The following USP12 variants were observed in gnomAD, a reference collection of about 807,000 sequenced individuals.
The protein encoded by USP12 is ubiquitin carboxyl-terminal hydrolase 12.
Under a neutral mutation model 45.5 loss-of-function variants are expected in USP12, and 19 were observed. The ratio of observed to expected loss-of-function variants is 0.42; its 90% CI spans 0.29 to 0.61. USP12 has a LOEUF of 0.61. USP12 is among the 20% of genes least tolerant of loss of function. The pLI is 0.22. For synonymous variants in USP12, 149 were observed against 148.8 expected (o/e 1.00, Z -0.01); for missense variants, 242 against 447.7 (o/e 0.54, Z 4.15).
intron 1 of USP12, among the ~76,000 whole-genome samples, chr13:27,126,418 G>A (rs534790774): frequency 6.6e-6 from 1 of 152,308 alleles, no homozygotes; most frequent in East Asian, 1.9e-4. Context: ...AAACAGAAAG[G>A]AATAGCACAA....
rs1207639673 is a variant in USP12, at chr13:27,129,624, T to C, written c.49-13028A>G. Among the ~76,000 whole-genome samples the C allele has an allele frequency of 2.0e-5, 3 of 152,112 alleles. No individual in the cohort carries two copies. Among genetic ancestry groups the C allele is most frequent in the African/African-American group, 7.2e-5 (3 of 41,424 alleles). ...CGGGAGGCTGAGGCAGGAGGATCAT[T>C]AAGCCCAGGAGTTCGAGGCTGCAGT... On this transcript the variant is annotated intron_variant, in intron 1 of 8. Transcript: ENST00000282344. This position sits in a 1 kb window ranked among gnomAD's most constrained non-coding sequence, Gnocchi z 4.0.
chr13:27,073,893 C>T lies in USP12; in HGVS notation c.932+1298G>A, dbSNP rs965650282. The stretch of plus-strand genomic sequence containing the variant: ...AGAAATGGTACTGAGATCCAAGTTT[C>T]TCTCACTCTGAAAACCCGGTCTGAA... On this transcript the variant is annotated intron_variant, in intron 7 of 8. Transcript: ENST00000282344. 2.0e-5 allele frequency among the ~76,000 whole-genome samples: 3 copies of T among 152,286 alleles called. No individual in the cohort carries two copies. The South Asian group carries it at 6.2e-4, about 32-fold the overall frequency.
At chr13:27,071,532 T>C (rs570393891) in intron 7 of USP12, among the ~76,000 whole-genome samples, 26 of 152,328 alleles carry the variant, frequency 1.7e-4, no homozygotes, top group Admixed American at 1.4e-3. Context: ...ACAATGCATA[T>C]AGAATTATTT....
chr13:27,091,614 G>A (rs963910597), intron 4 of USP12, among the ~76,000 whole-genome samples: 7 of 152,178 alleles, frequency 4.6e-5, no homozygotes, highest in African/African-American at 4.8e-5. Flanking sequence ...CTAAAACTCA[G>A]GGAAGAAGTC....
chr13:27,084,807 G>A (rs974944667), intron 6 of USP12, among the ~76,000 whole-genome samples: 1 of 152,102 alleles, frequency 6.6e-6, no homozygotes, highest in Non-Finnish European at 1.5e-5. Context: ...AATATACTTT[G>A]AAATCAGAAG....
chr13:27,085,845 T>C (rs1873984684), intron 6 of USP12, among the ~76,000 whole-genome samples: 1 of 151,968 alleles, frequency 6.6e-6, no homozygotes, highest in South Asian at 2.1e-4. Context: ...GGTAGATACA[T>C]GGTACTATGG....
At chr13:27,138,381 C>A (rs1023208049) in intron 1 of USP12, among the ~76,000 whole-genome samples, 3 of 152,170 alleles carry the variant, frequency 2.0e-5, no homozygotes, top group African/African-American at 7.2e-5. Context: ...CCAGGAAAGG[C>A]TCAGATGGTA....
At chr13:27,138,638 A>ATTATGGTATGCAGGAGTGGTCATTAC (rs1390477605) in intron 1 of USP12, among the ~76,000 whole-genome samples, 1 of 152,192 alleles carries the variant, frequency 6.6e-6, no homozygotes, top group African/African-American at 2.4e-5. Context: ...TGCAGGAGTC[A>ATTATGGTATGCAGGAGTGGTCATTAC]AACACTGGTC....
chr13:27,139,618 A>T (rs1876965867), intron 1 of USP12, among the ~76,000 whole-genome samples: 1 of 152,194 alleles, frequency 6.6e-6, no homozygotes, highest in South Asian at 2.1e-4. Flanking sequence ...TCCATCCCCC[A>T]GAAATAAAAA....
At chr13:27,096,945 C>T (rs534034028) in intron 3 of USP12, among the ~76,000 whole-genome samples, 1 of 151,972 alleles carries the variant, frequency 6.6e-6, no homozygotes, top group South Asian at 2.1e-4. Flanking sequence ...AGAAGAGATA[C>T]AGATATGACT....
intron 1 of USP12, among the ~76,000 whole-genome samples, chr13:27,139,828 ACTATG>A (rs1490644815): frequency 6.6e-6 from 1 of 152,216 alleles, no homozygotes; most frequent in Non-Finnish European, 1.5e-5. Flanking sequence ...TGTGCCAGGA[ACTATG>A]CTAAGGACAG....
intron 1 of USP12, among the ~76,000 whole-genome samples, chr13:27,166,903 A>G (rs534868939): frequency 6.6e-6 from 1 of 152,168 alleles, no homozygotes; most frequent in Non-Finnish European, 1.5e-5. Context: ...TCATCATTTT[A>G]TAACATTAAA....
Position 27,171,773 on chromosome 13 carries a change from G to A in USP12, c.-134C>T. ...GCGGACCCAACCACCGAGCCCGCTG[G>A]GCCGCCGCTGCCGTCGTCGCCGCCG... On this transcript the variant is annotated 5_prime_UTR_variant, in exon 1 of 9. Transcript: ENST00000282344. 2.8e-6 allele frequency: 1 copy of A among 362,874 alleles called. No homozygotes were observed. The highest frequency in any genetic ancestry group is 3.9e-6 in the Non-Finnish European group (1 of 256,976). The allele number at this position is 362,874 out of a possible 1,614,324, so 22.5% of individuals were successfully genotyped here. A position where few individuals can be genotyped will look rare whatever the true frequency, so the allele number is the denominator to read the frequency against.
At chr13:27,161,889 AAAAAAAAAT>A (rs1179197529) in intron 1 of USP12, among the ~76,000 whole-genome samples, 3 of 110,840 alleles carry the variant, frequency 2.7e-5, no homozygotes, top group Non-Finnish European at 6.0e-5. Context: ...CTCAAAAAAT[AAAAAAAAAT>A]AAAAAAAAAT....
chr13:27,164,578 G>A (rs955797623), intron 1 of USP12, among the ~76,000 whole-genome samples: 2 of 150,896 alleles, frequency 1.3e-5, no homozygotes, highest in African/African-American at 4.8e-5. Context: ...AGAAAGCAAA[G>A]ACTTACTAGT....
chr13:27,143,622 G>A (rs1877171831), intron 1 of USP12, among the ~76,000 whole-genome samples: 1 of 152,122 alleles, frequency 6.6e-6, no homozygotes, highest in Admixed American at 6.5e-5. Flanking sequence ...TTATGATGAA[G>A]ACATTGGTGG....
intron 6 of USP12, among the ~76,000 whole-genome samples, chr13:27,086,194 A>AT (rs1565984616): frequency 3.3e-3 from 302 of 92,852 alleles, no homozygotes; most frequent in African/African-American, 8.2e-3. Context: ...AAAAAAAAAA[A>AT]AAAATATATA....
intron 2 of USP12, 116 bp from the exon 3 acceptor site, chr13:27,106,060 T>C (rs1875121426): frequency 2.5e-6 from 2 of 794,790 alleles, no homozygotes; most frequent in Non-Finnish European, 3.9e-6. Flanking sequence ...ACTGTTACTA[T>C]AACACTGACT....
At chr13:27,163,115 A>AAAAAATACAAGCATTTTTTTTAAG in intron 1 of USP12, among the ~76,000 whole-genome samples, 1 of 151,888 alleles carries the variant, frequency 6.6e-6, no homozygotes, top group Non-Finnish European at 1.5e-5. Context: ...AATTTTGAAA[A>AAAAAATACAAGCATTTTTTTTAAG]ATCAATGTAA....
Sources: gnomAD v4.1 joint callset for allele counts (sites outside exome capture counted in the v4.1 genomes callset) on GRCh38, gnomAD v4.1.1 for gene constraint, Gnocchi (gnomAD v3.1) non-coding constraint, MANE v1.5 for transcripts, NCBI Gene and HGNC (gene_info 2026-07-23, HGNC 2026-07-21) for gene names.